The following POTEC variants were observed in gnomAD, a reference collection of about 807,000 sequenced individuals.
POTEC encodes ANKRD26-like family B member 2.
A neutral mutation model predicts 62.0 loss-of-function variants in POTEC; 35 were observed. The observed-to-expected ratio is 0.56, with a 90% confidence interval of 0.43 to 0.75. POTEC has a LOEUF of 0.75. POTEC is among the 30% of genes least tolerant of loss of function. The probability of loss-of-function intolerance (pLI) is 0.00; values close to 1 mark genes in which losing one functional copy is unlikely to be tolerated. For missense variants in POTEC, 472 were observed against 655.9 expected, an observed-to-expected ratio of 0.72 and a Z score of 3.06; for synonymous variants, 156 against 221.5, an observed-to-expected ratio of 0.70 and a Z score of 2.62.
At chr18:14,529,407 C>T (rs1905425163) in intron 6 of POTEC, among the ~76,000 whole-genome samples, 1 of 152,118 alleles carries the variant, frequency 6.6e-6, no homozygotes, top group African/African-American at 2.4e-5. Context: ...AGAGACAGCT[C>T]TACTATGAGC....
chr18:14,517,896 C>T (rs1010510649), intron 9 of POTEC, among the ~76,000 whole-genome samples: 2 of 152,172 alleles, frequency 1.3e-5, no homozygotes, highest in East Asian at 1.9e-4. Flanking sequence ...TTTGCAATTC[C>T]TCTGACTCAG....
Position 14,527,332 on chromosome 18 carries a change from A to T in POTEC, c.1127-2349T>A, listed in dbSNP as rs552572301. ...TGCTAAAGGGATTCTGTTTGGCTGC[A>T]GGCTGCAAGAGGGGAAAAACACAAA... On this transcript the variant is annotated intron_variant, in intron 6 of 10. Transcript: ENST00000358970. Among the ~76,000 whole-genome samples, 249 of 152,280 alleles carry T rather than the reference A, an allele frequency of 1.6e-3. 1 individual carries two copies. Among genetic ancestry groups the T allele is most frequent in the African/African-American group, 5.8e-3 (243 of 41,568 alleles).
intron 9 of POTEC, 71 bp downstream of exon 9, chr18:14,522,176 CATCATGA>C: frequency 6.3e-7 from 1 of 1,586,508 alleles, no homozygotes; most frequent in South Asian, 1.2e-5. Flanking sequence ...AAAATTTGTT[CATCATGA>C]ATATTAGCCC....
intron 6 of POTEC, among the ~76,000 whole-genome samples, chr18:14,528,364 C>T (rs1910493455): frequency 6.6e-6 from 1 of 151,994 alleles, no homozygotes. Context: ...TCCCAATCCC[C>T]CTCCTCAGCC....
At chr18:14,517,633 G>C (rs906465143) in intron 9 of POTEC, among the ~76,000 whole-genome samples, 12 of 152,142 alleles carry the variant, frequency 7.9e-5, no homozygotes, top group Non-Finnish European at 1.6e-4. Flanking sequence ...AGGCCGAAGT[G>C]GGTGGATCAC....
chr18:14,520,091 T>C (rs1348872483), intron 9 of POTEC, among the ~76,000 whole-genome samples: 2 of 152,254 alleles, frequency 1.3e-5, no homozygotes, highest in African/African-American at 4.8e-5. Flanking sequence ...AGTTCGTGAG[T>C]GTAGACAGTT....
intron 9 of POTEC, among the ~76,000 whole-genome samples, chr18:14,514,188 G>A (rs1203259527): frequency 6.6e-6 from 1 of 152,102 alleles, no homozygotes; most frequent in African/African-American, 2.4e-5. Flanking sequence ...AGATCATAAA[G>A]CATTAGATTC....
chr18:14,521,636 A>G (rs912193239), intron 9 of POTEC, among the ~76,000 whole-genome samples: 83 of 152,274 alleles, frequency 5.5e-4, no homozygotes, highest in African/African-American at 2.0e-3. Context: ...TACTAAATTA[A>G]TGTTCAAAAT....
intron 2 of POTEC, 69 bp from the exon 3 acceptor site, chr18:14,538,043 C>A (rs1162754688): frequency 5.0e-6 from 8 of 1,588,368 alleles, no homozygotes; most frequent in African/African-American, 2.7e-5. Context: ...ACAGCTTTCA[C>A]CAACTAGTTA....
chr18:14,533,329 C>T, intron 4 of POTEC, 131 bp from the exon 5 acceptor site: 3 of 1,519,680 alleles, frequency 2.0e-6, no homozygotes, highest in Non-Finnish European at 8.8e-7. Context: ...CACTAAAAGA[C>T]ATAAGCATCT....
chr18:14,525,486 C>T (rs537584285), intron 6 of POTEC, among the ~76,000 whole-genome samples: 293 of 151,916 alleles, frequency 1.9e-3, no homozygotes, highest in African/African-American at 6.7e-3. Flanking sequence ...AATTCCTTTA[C>T]CATCTCCCCT....
At chr18:14,537,406 T>C (rs73960830) in intron 3 of POTEC, among the ~76,000 whole-genome samples, 1 of 151,880 alleles carries the variant, frequency 6.6e-6, no homozygotes, top group Non-Finnish European at 1.5e-5. Context: ...TAGGAATTTG[T>C]CAAAGTAGCA....
intron 1 of POTEC, among the ~76,000 whole-genome samples, chr18:14,539,852 G>A (rs1905873871): frequency 1.3e-5 from 2 of 152,128 alleles, no homozygotes; most frequent in Non-Finnish European, 2.9e-5. Context: ...GGCGCAGCAG[G>A]TAAACATGAA....
chr18:14,512,008 G>C lies in POTEC; in HGVS notation c.1534-15C>G. On this transcript the variant is annotated splice_polypyrimidine_tract_variant and intron_variant, in intron 10 of 10. Coordinates refer to ENST00000358970, the MANE Select transcript of POTEC (RefSeq NM_001137671.2). Reference sequence around the variant, plus strand: ...CTAAGAGAAAGCTAAGTAAACAAAGGGAACTTTTAGTTAGCACTCAATAGA... The same window carrying C: ...CTAAGAGAAAGCTAAGTAAACAAAGCGAACTTTTAGTTAGCACTCAATAGA... 9 of 1,592,148 alleles carry C rather than the reference G, an allele frequency of 5.7e-6. No individual in the cohort carries two copies. The highest frequency in any genetic ancestry group is 7.7e-6 in the Non-Finnish European group (9 of 1,166,086).
At chr18:14,529,814 A>G (rs1282377505) in intron 6 of POTEC, among the ~76,000 whole-genome samples, 1 of 152,050 alleles carries the variant, frequency 6.6e-6, no homozygotes, top group African/African-American at 2.4e-5. Context: ...AGTCAGTAAG[A>G]GTGAGACCTT....
chr18:14,509,070 C>T lies in POTEC; in HGVS notation c.*2828G>A, dbSNP rs992696790. The T allele has an allele frequency of 5.9e-5, 9 of 152,248 alleles. No homozygotes were observed. Among genetic ancestry groups the T allele is most frequent in the South Asian group, 2.1e-4 (1 of 4,834 alleles). 9.4% of individuals were successfully genotyped at this position (152,248 alleles called of 1,614,324 possible). A position where few individuals can be genotyped will look rare whatever the true frequency, so the allele number is the denominator to read the frequency against. ...ACTTGTATTGGGCCACAACTTTGTC[C>T]TCTGGCTCCTCGAGGTTTGGAGTCC... On this transcript the variant is annotated 3_prime_UTR_variant, in exon 11 of 11. Transcript: ENST00000358970.
At chr18:14,533,374 C>T (rs562520968) in intron 4 of POTEC, among the ~76,000 whole-genome samples, 176 bp from the exon 5 acceptor site, 20 of 152,134 alleles carry the variant, frequency 1.3e-4, no homozygotes, top group South Asian at 1.0e-3. Flanking sequence ...TAAAATACCA[C>T]CAAGGTTAAA....
At chr18:14,528,884 A>C (rs1910507207) in intron 6 of POTEC, 2 of 450,596 alleles carry the variant, frequency 4.4e-6, no homozygotes, top group African/African-American at 2.0e-5. Flanking sequence ...GGTACTAGCA[A>C]AAGTGAACTG....
chr18:14,517,302 C>T (rs1050603647), intron 9 of POTEC, among the ~76,000 whole-genome samples: 9 of 152,160 alleles, frequency 5.9e-5, no homozygotes, highest in African/African-American at 2.2e-4. Context: ...AGAAGCCACC[C>T]AAAGCCAGTT....
Sources: gnomAD v4.1 joint callset for allele counts (sites outside exome capture counted in the v4.1 genomes callset) on GRCh38, gnomAD v4.1.1 for gene constraint, MANE v1.5 for transcripts, NCBI Gene and HGNC (gene_info 2026-07-23, HGNC 2026-07-21) for gene names.